SLC14A2: variants seen among roughly 807,000 people sequenced by gnomAD.
SLC14A2 encodes urea transporter 2.
Under a neutral mutation model 104.6 loss-of-function variants are expected in SLC14A2, and 91 were observed. The observed-to-expected ratio is 0.87, with a 90% CI of 0.73 to 1.04. SLC14A2 has a LOEUF of 1.04. SLC14A2 is among the 50% of genes least tolerant of loss of function. SLC14A2 has a pLI of 0.00. For missense variants in SLC14A2, 1,189 were observed against 1,156.0 expected, an observed-to-expected ratio of 1.03 and a Z score of -0.41; for synonymous variants, 476 against 466.4, an observed-to-expected ratio of 1.02 and a Z score of -0.27.
At chr18:45,323,174 C>T (rs923180313) in intron 1 of SLC14A2, among the ~76,000 whole-genome samples, 1 of 152,136 alleles carries the variant, frequency 6.6e-6, no homozygotes, top group African/African-American at 2.4e-5. Context: ...TAAATACTAT[C>T]TATGTTCATT....
chr18:45,554,963 C>G (rs1047595270), intron 2 of SLC14A2, among the ~76,000 whole-genome samples: 1 of 152,196 alleles, frequency 6.6e-6, no homozygotes, highest in African/African-American at 2.4e-5. Flanking sequence ...ACCACTCAGT[C>G]CTTTAGTCAG....
chr18:45,640,763 A>C (rs576210046), intron 7 of SLC14A2, among the ~76,000 whole-genome samples: 3 of 152,334 alleles, frequency 2.0e-5, no homozygotes, highest in Admixed American at 2.0e-4. Flanking sequence ...CCCACTGTTC[A>C]CATCTTACTC....
At chr18:45,312,274 A>T (rs984303232) in intron 1 of SLC14A2, among the ~76,000 whole-genome samples, 1 of 152,214 alleles carries the variant, frequency 6.6e-6, no homozygotes, top group Non-Finnish European at 1.5e-5. Context: ...TTGGTAGGAA[A>T]GGTAAATTTG....
chr18:45,402,037 C>T (rs1474257646), intron 1 of SLC14A2, among the ~76,000 whole-genome samples: 2 of 152,108 alleles, frequency 1.3e-5, no homozygotes, highest in Non-Finnish European at 2.9e-5. Flanking sequence ...TAAAATCTGC[C>T]GAAGCTTCCC....
Position 45,415,632 on chromosome 18 carries a change from A to G in SLC14A2, c.-124-67601A>G, listed in dbSNP as rs2144504332. 2.0e-5 allele frequency among the ~76,000 whole-genome samples: 3 copies of G among 152,260 alleles called. No individual in the cohort carries two copies. The South Asian group carries it at 6.2e-4, about 32-fold the overall frequency. ...TAGAAAACTGATAATGGTTGAAATAAACCACAGGGGGTCAAAAAGCCAGGT... is the reference window on the plus strand; with the variant it reads ...TAGAAAACTGATAATGGTTGAAATAGACCACAGGGGGTCAAAAAGCCAGGT... On this transcript the variant is annotated intron_variant, in intron 1 of 20. Coordinates refer to the SLC14A2 transcript ENST00000586448.
chr18:45,356,858 A>G (rs1255892453), intron 1 of SLC14A2, among the ~76,000 whole-genome samples: 2 of 152,218 alleles, frequency 1.3e-5, no homozygotes, highest in African/African-American at 2.4e-5. Context: ...AGAGGTCTGT[A>G]TCAGGTCTTG....
At chr18:45,302,217 GA>G (rs1225015282) in intron 1 of SLC14A2, among the ~76,000 whole-genome samples, 1 of 152,188 alleles carries the variant, frequency 6.6e-6, no homozygotes, top group Non-Finnish European at 1.5e-5. Context: ...TACAACTGGT[GA>G]AAAATGGCTT....
intron 1 of SLC14A2, among the ~76,000 whole-genome samples, chr18:45,309,850 C>T (rs1281117032): frequency 6.6e-6 from 1 of 152,134 alleles, no homozygotes; most frequent in Non-Finnish European, 1.5e-5. Flanking sequence ...CATGTCCCTC[C>T]TTTTGCCTCA....
intron 1 of SLC14A2, among the ~76,000 whole-genome samples, chr18:45,418,042 C>T (rs1159214980): frequency 6.6e-6 from 1 of 152,200 alleles, no homozygotes; most frequent in Admixed American, 6.5e-5. Flanking sequence ...TAGCACCATC[C>T]ATCTCATGTC....
At chr18:45,452,799 A>T (rs1229656302) in intron 1 of SLC14A2, among the ~76,000 whole-genome samples, 1 of 152,192 alleles carries the variant, frequency 6.6e-6, no homozygotes, top group Non-Finnish European at 1.5e-5. Flanking sequence ...AAATAGCTAC[A>T]CGGCAAAGGC....
chr18:45,545,030 G>A (rs947524920), intron 2 of SLC14A2, among the ~76,000 whole-genome samples: 1 of 151,966 alleles, frequency 6.6e-6, no homozygotes. Flanking sequence ...CCGACCTCAG[G>A]TGATCTGCCC....
chr18:45,575,786 G>T (rs969517980), intron 2 of SLC14A2, among the ~76,000 whole-genome samples: 27 of 141,490 alleles, frequency 1.9e-4, no homozygotes, highest in African/African-American at 6.7e-4. Flanking sequence ...AGTTTGTCTT[G>T]TTCTTTTTTT....
At chr18:45,524,342 T>C (rs2043560535) in intron 2 of SLC14A2, among the ~76,000 whole-genome samples, 1 of 152,226 alleles carries the variant, frequency 6.6e-6, no homozygotes, top group African/African-American at 2.4e-5. Flanking sequence ...AATAAATGCT[T>C]GTTCAATCCC....
chr18:45,640,002 A>G (rs2045494172), intron 7 of SLC14A2, 109 bp downstream of exon 7: 2 of 1,072,168 alleles, frequency 1.9e-6, no homozygotes, highest in South Asian at 1.6e-5. Context: ...AGTTTTAAAT[A>G]CTTTCAGGGA....
chr18:45,491,544 ATAAAAG>A (rs1204300891), intron 2 of SLC14A2, among the ~76,000 whole-genome samples: 2 of 152,236 alleles, frequency 1.3e-5, no homozygotes, highest in African/African-American at 4.8e-5. Context: ...TTAATTACAA[ATAAAAG>A]TAAAAATAAA....
Position 45,420,744 on chromosome 18 carries a change from TA to T in SLC14A2, c.-124-62488del, listed in dbSNP as rs1195588720. On this transcript the variant is annotated intron_variant, in intron 1 of 20. Coordinates refer to the SLC14A2 transcript ENST00000586448. ...CAGGTGGAATTATTTTTATTATTAT[TA>T]TTATTTTTTTTTTTGAGACGGAGTC... Among the ~76,000 whole-genome samples the T allele has an allele frequency of 2.3e-3, 350 of 150,986 alleles. 1 individual carries two copies. The highest frequency in any genetic ancestry group is 3.6e-3 in the Non-Finnish European group (247 of 67,730).
At chr18:45,393,142 A>T (rs1013071018) in intron 1 of SLC14A2, among the ~76,000 whole-genome samples, 6 of 152,256 alleles carry the variant, frequency 3.9e-5, no homozygotes, top group Non-Finnish European at 7.3e-5. Context: ...TTGTTACAGT[A>T]GTGAACAGAA....
At chr18:45,193,390 C>T in the SLC14A2 span, among the ~76,000 whole-genome samples, 1 of 152,078 alleles carries the variant, frequency 6.6e-6, no homozygotes, top group African/African-American at 2.4e-5. Context: ...ATTCTTTTTG[C>T]TTTGCATATA....
chr18:45,214,802 T>C (rs2083993521), intron 1 of SLC14A2, among the ~76,000 whole-genome samples: 1 of 151,946 alleles, frequency 6.6e-6, no homozygotes, highest in African/African-American at 2.4e-5. Flanking sequence ...CAAACATTTA[T>C]TGAACACTTA....
Sources: allele counts gnomAD v4.1 joint callset (sites outside exome capture counted in the v4.1 genomes callset), GRCh38; gene constraint gnomAD v4.1.1; transcripts MANE v1.5; gene names NCBI Gene and HGNC (gene_info 2026-07-23, HGNC 2026-07-21).